PTH2R: variants seen among roughly 807,000 people sequenced by gnomAD.
PTH2R encodes PTH2 receptor.
Under a neutral mutation model 60.3 loss-of-function variants are expected in PTH2R, and 59 were observed. That is an observed-to-expected ratio of 0.98 (90% CI 0.79 to 1.22). PTH2R has a LOEUF of 1.22. PTH2R is among the 50% of genes most tolerant of loss of function. The pLI, the probability that PTH2R is intolerant of heterozygous loss-of-function variation, is 0.00. For missense variants in PTH2R, 749 were observed against 682.6 expected, an observed-to-expected ratio of 1.10 and a Z score of -1.08; for synonymous variants, 256 against 243.8, an observed-to-expected ratio of 1.05 and a Z score of -0.47.
chr2:208,410,301 A>G (rs1480934772), intron 1 of PTH2R, among the ~76,000 whole-genome samples: 1 of 152,192 alleles, frequency 6.6e-6, no homozygotes, highest in Non-Finnish European at 1.5e-5. Context: ...AAATGAGAAA[A>G]TGGGGCTATG....
intron 8 of PTH2R, among the ~76,000 whole-genome samples, chr2:208,459,669 T>C (rs1317049696): frequency 6.6e-6 from 1 of 152,192 alleles, no homozygotes; most frequent in Non-Finnish European, 1.5e-5. Context: ...CACTAATATT[T>C]ATAATTCTCT....
Position 208,430,385 on chromosome 2 carries a change from T to C in PTH2R, c.178+2082T>C, listed in dbSNP as rs1701944344. Among the ~76,000 whole-genome samples, 3 of 152,082 alleles carry C rather than the reference T, an allele frequency of 2.0e-5. No homozygotes were observed. In the South Asian group the frequency reaches 6.2e-4, roughly 31 times the overall value. On this transcript the variant is annotated intron_variant, in intron 2 of 12. Coordinates refer to ENST00000272847, the MANE Select transcript of PTH2R (RefSeq NM_005048.4). Reference sequence around the variant, plus strand: ...GTTGGAAAATGTCTTTATTTTGGTGTCAACCTTGAAAGATACTTTTTCTGG... The same window carrying C: ...GTTGGAAAATGTCTTTATTTTGGTGCCAACCTTGAAAGATACTTTTTCTGG...
chr2:208,409,251 C>T (rs1279318748), intron 1 of PTH2R, among the ~76,000 whole-genome samples: 2 of 152,080 alleles, frequency 1.3e-5, no homozygotes, highest in Non-Finnish European at 2.9e-5. Flanking sequence ...ATTTTATGAC[C>T]TTCAGTTTCT....
At chr2:208,443,745 T>G (rs1702234519) in intron 6 of PTH2R, among the ~76,000 whole-genome samples, 1 of 152,206 alleles carries the variant, frequency 6.6e-6, no homozygotes, top group Admixed American at 6.5e-5. Flanking sequence ...TTGGGTTTTT[T>G]CCTCAAGAAT....
chr2:208,440,330 T>C (rs1702157220), intron 4 of PTH2R, among the ~76,000 whole-genome samples: 1 of 152,222 alleles, frequency 6.6e-6, no homozygotes, highest in Non-Finnish European at 1.5e-5. Flanking sequence ...TTCTGATTGG[T>C]TAGAATTTGT....
chr2:208,471,440 ATGGCTG>A (rs912162532), intron 9 of PTH2R, among the ~76,000 whole-genome samples: 2 of 152,230 alleles, frequency 1.3e-5, no homozygotes, highest in African/African-American at 4.8e-5. Context: ...TGCTCCAGCC[ATGGCTG>A]AAAGGGGCCA....
chr2:208,475,768 TTTAC>T (rs1702987419), intron 9 of PTH2R, among the ~76,000 whole-genome samples: 1 of 152,170 alleles, frequency 6.6e-6, no homozygotes, highest in South Asian at 2.1e-4. Flanking sequence ...TTGGCATATA[TTTAC>T]TTACTTTTAG....
intron 2 of PTH2R, among the ~76,000 whole-genome samples, chr2:208,430,153 A>G (rs1293410001): frequency 2.0e-5 from 3 of 152,182 alleles, no homozygotes; most frequent in Non-Finnish European, 4.4e-5. Context: ...ATTTAATTTC[A>G]GAAAGTTTAA....
intron 1 of PTH2R, among the ~76,000 whole-genome samples, chr2:208,377,548 A>AC (rs1164732025): frequency 2.1e-5 from 3 of 141,090 alleles, no homozygotes; most frequent in Non-Finnish European, 3.1e-5. Context: ...GCGGGGGCTG[A>AC]CCCCCCACCT....
At chr2:208,368,324 A>T (rs534219590) in intron 1 of PTH2R, among the ~76,000 whole-genome samples, 3 of 152,188 alleles carry the variant, frequency 2.0e-5, no homozygotes, top group Non-Finnish European at 2.9e-5. Context: ...TATGTCCCAC[A>T]GTACCTTTCT....
At chr2:208,374,803 G>T (rs1179592843) in intron 1 of PTH2R, among the ~76,000 whole-genome samples, 3 of 151,992 alleles carry the variant, frequency 2.0e-5, no homozygotes, top group African/African-American at 7.3e-5. Flanking sequence ...ACCACGCCCG[G>T]CCCAAATGAC....
intron 1 of PTH2R, among the ~76,000 whole-genome samples, chr2:208,423,513 A>T (rs1701796434): frequency 6.6e-6 from 1 of 152,024 alleles, no homozygotes. Flanking sequence ...ATGATTCAGG[A>T]TATGGTCTAC....
chr2:208,432,621 G>A (rs887943142), intron 2 of PTH2R, among the ~76,000 whole-genome samples: 1 of 152,188 alleles, frequency 6.6e-6, no homozygotes, highest in African/African-American at 2.4e-5. Context: ...CCATCTGCAA[G>A]CTGGGGAAGA....
intron 4 of PTH2R, 66 bp from the exon 5 acceptor site, chr2:208,442,298 C>T: frequency 8.7e-7 from 1 of 1,151,546 alleles, no homozygotes; most frequent in Non-Finnish European, 1.3e-6. Context: ...AAATGACATA[C>T]TATTTCTTTG....
chr2:208,362,381 A>ATAT (rs1700491939), intron 1 of PTH2R, among the ~76,000 whole-genome samples: 2 of 152,222 alleles, frequency 1.3e-5, no homozygotes, highest in African/African-American at 4.8e-5. Context: ...TCTATATATC[A>ATAT]ATCCCATAGA....
At chr2:208,448,685 C>A (rs906935113) in intron 7 of PTH2R, among the ~76,000 whole-genome samples, 1 of 148,310 alleles carries the variant, frequency 6.7e-6, no homozygotes, top group Non-Finnish European at 1.5e-5. Context: ...TACTAGATAA[C>A]ATTTAAATTT....
intron 1 of PTH2R, among the ~76,000 whole-genome samples, chr2:208,369,609 C>T (rs757751523): frequency 9.2e-5 from 14 of 151,958 alleles, no homozygotes; most frequent in African/African-American, 2.7e-4. Flanking sequence ...CCGCCAGCCT[C>T]GGCCTCCCAA....
chr2:208,406,358 C>A (rs1701405495), upstream of PTH2R, among the ~76,000 whole-genome samples: 1 of 152,026 alleles, frequency 6.6e-6, no homozygotes, highest in Admixed American at 6.5e-5. Context: ...TTAACACACA[C>A]CGAGTATTAT....
chr2:208,406,797 T>A lies in PTH2R; in HGVS notation c.-247T>A. 2 of 360,488 alleles carry A rather than the reference T, an allele frequency of 5.5e-6. No homozygotes were observed. Among genetic ancestry groups the A allele is most frequent in the Non-Finnish European group, 9.9e-6 (2 of 201,718 alleles). The allele number at this position is 360,488 out of a possible 1,614,324, so 22.3% of individuals were successfully genotyped here. A position where few individuals can be genotyped will look rare whatever the true frequency, so the allele number is the denominator to read the frequency against. On this transcript the variant is annotated 5_prime_UTR_variant, in exon 1 of 13. Coordinates refer to ENST00000272847, the MANE Select transcript of PTH2R (RefSeq NM_005048.4). Reference sequence around the variant, plus strand: ...CGGGGCTGCGAGTCAAGTCCAGGACTCGGGCCAGTCTCTCCGGAAGACAAG... The same window carrying A: ...CGGGGCTGCGAGTCAAGTCCAGGACACGGGCCAGTCTCTCCGGAAGACAAG...
Sources: gnomAD v4.1 joint callset for allele counts (sites outside exome capture counted in the v4.1 genomes callset) on GRCh38, gnomAD v4.1.1 for gene constraint, MANE v1.5 for transcripts, NCBI Gene and HGNC (gene_info 2026-07-23, HGNC 2026-07-21) for gene names.